ARHGAP8: variants seen among roughly 807,000 people sequenced by gnomAD.
ARHGAP8 encodes the protein rho GTPase-activating protein 8.
In ARHGAP8, 62 loss-of-function variants were observed where a neutral mutation model predicts 46.1. That is an observed-to-expected ratio of 1.34 (90% CI 1.10 to 1.66). The LOEUF (loss-of-function observed/expected upper bound fraction) is 1.66, where lower values mean the gene tolerates loss of function less well. Ranked by LOEUF, ARHGAP8 falls within the 40% of genes most tolerant of loss-of-function variation. ARHGAP8 has a pLI of 0.00. For synonymous variants in ARHGAP8, 375 were observed against 243.1 expected (o/e 1.54, Z -5.05); for missense variants, 923 against 568.4 (o/e 1.62, Z -6.34).
intron 7 of ARHGAP8, among the ~76,000 whole-genome samples, chr22:44,833,517 C>T (rs1247917022): frequency 1.3e-5 from 2 of 152,048 alleles, no homozygotes; most frequent in East Asian, 3.8e-4. Context: ...TGGGATAAAT[C>T]ATTTGTGTTC....
At chr22:44,807,289 G>A (rs1051326110) in intron 3 of ARHGAP8, among the ~76,000 whole-genome samples, 1 of 152,210 alleles carries the variant, frequency 6.6e-6, no homozygotes, top group East Asian at 1.9e-4. Context: ...CCTTCCTTCT[G>A]CAGATGGCAG....
chr22:44,818,733 A>G (rs987961837), intron 5 of ARHGAP8, among the ~76,000 whole-genome samples: 2 of 150,452 alleles, frequency 1.3e-5, no homozygotes, highest in Non-Finnish European at 3.0e-5. Flanking sequence ...TTCTTGTTCC[A>G]TCAGCCCGGC....
At chr22:44,778,421 C>T (rs921690367) in intron 1 of ARHGAP8, among the ~76,000 whole-genome samples, 4 of 152,124 alleles carry the variant, frequency 2.6e-5, no homozygotes, top group Admixed American at 1.3e-4. Context: ...TTTATCCTCT[C>T]GTTGATTAAT....
At chr22:44,836,466 C>T (rs1490554320) in intron 7 of ARHGAP8, among the ~76,000 whole-genome samples, 1 of 151,840 alleles carries the variant, frequency 6.6e-6, no homozygotes, top group East Asian at 1.9e-4. Context: ...AATAATTTGC[C>T]TGAGCCTCAG....
At position 44,786,470 on chromosome 22, in the gene ARHGAP8, C is replaced by G; in HGVS notation, c.-58C>G. On this transcript the variant is annotated 5_prime_UTR_variant, in exon 2 of 12. Coordinates refer to ENST00000356099, the MANE Select transcript of ARHGAP8 (RefSeq NM_181335.3). ...TCTTTGCCGCAGAGCTGCAGAGAGA[C>G]AAGGCGGCGGCGGCTGCTGTGCTGG... 6.2e-7 allele frequency: 1 copy of G among 1,605,052 alleles called. No individual in the cohort carries two copies. The highest frequency in any genetic ancestry group is 8.5e-7 in the Non-Finnish European group (1 of 1,175,954).
intron 7 of ARHGAP8, among the ~76,000 whole-genome samples, chr22:44,835,617 C>T (rs916569575): frequency 8.5e-5 from 13 of 152,138 alleles, no homozygotes; most frequent in Non-Finnish European, 1.8e-4. Flanking sequence ...GAGAATCAGT[C>T]TCAAGAAAAA....
chr22:44,786,455 AG>A lies in ARHGAP8; in HGVS notation c.-71-1del. 1 of 1,595,200 alleles carries A rather than the reference AG, an allele frequency of 6.3e-7. No individual in the cohort carries two copies. Among genetic ancestry groups the A allele is most frequent in the Admixed American group, 1.8e-5 (1 of 57,092 alleles). On this transcript the variant is annotated splice_acceptor_variant, in intron 1 of 11. Coordinates refer to ENST00000356099, the MANE Select transcript of ARHGAP8 (RefSeq NM_181335.3). LOFTEE classifies it low-confidence loss of function (5UTR_SPLICE). Reference sequence around the variant, plus strand: ...GACTTCCTTTAATCTTCTTTGCCGCAGAGCTGCAGAGAGACAAGGCGGCGGC... The same window carrying A: ...GACTTCCTTTAATCTTCTTTGCCGCAAGCTGCAGAGAGACAAGGCGGCGGC...
intron 3 of ARHGAP8, among the ~76,000 whole-genome samples, chr22:44,804,503 C>T (rs1016092983): frequency 2.6e-5 from 4 of 152,196 alleles, no homozygotes; most frequent in African/African-American, 9.7e-5. Flanking sequence ...TGAGGCCAAG[C>T]CCTGGCCGAT....
At position 44,830,037 on chromosome 22, in the gene ARHGAP8, T is replaced by TC. The variant is rs1555916730; in HGVS notation, c.596+4447dup. ...TTTCCTCTCTCTCTTTTTTTTTTTT[T>TC]CCCTGAGATGGCGTCTCACTCTGTC... On this transcript the variant is annotated intron_variant, in intron 7 of 11. Transcript: ENST00000356099. Among the ~76,000 whole-genome samples, 1,236 of 151,118 alleles carry TC rather than the reference T, an allele frequency of 8.2e-3. 11 individuals are homozygous for TC. Among genetic ancestry groups the TC allele is most frequent in the African/African-American group, 0.028 (1,157 of 41,132 alleles).
At chr22:44,783,925 C>T (rs1179357031) in intron 1 of ARHGAP8, among the ~76,000 whole-genome samples, 4 of 152,182 alleles carry the variant, frequency 2.6e-5, no homozygotes, top group Non-Finnish European at 5.9e-5. Flanking sequence ...CTCAGCCCTT[C>T]CTGCCTCATT....
intron 6 of ARHGAP8, among the ~76,000 whole-genome samples, chr22:44,823,978 C>T (rs1347456921): frequency 6.6e-6 from 1 of 152,124 alleles, no homozygotes; most frequent in Non-Finnish European, 1.5e-5. Context: ...GTTCCATAGC[C>T]ATGCAGCAGA....
chr22:44,862,353 TC>T lies in ARHGAP8; in HGVS notation c.1063del (p.Gln355ArgfsTer6). 6.2e-7 allele frequency: 1 copy of T among 1,614,054 alleles called. No individual in the cohort carries two copies. Among genetic ancestry groups the T allele is most frequent in the Non-Finnish European group, 8.5e-7 (1 of 1,179,956 alleles). On this transcript the variant is annotated frameshift_variant, in exon 12 of 12. Coordinates refer to ENST00000356099, the MANE Select transcript of ARHGAP8 (RefSeq NM_181335.3). LOFTEE classifies it low-confidence loss of function (END_TRUNC). Reference sequence around the variant, plus strand: ...CTTCGGGCTGAATTTGATCTGGCCATCCCAGGGGGTCTCCTCCCTGAGTGCC... The same window carrying T: ...CTTCGGGCTGAATTTGATCTGGCCATCCAGGGGGTCTCCTCCCTGAGTGCC... The part of the protein sequence containing the change: ...CVFGLNLIWP[S>X]QGVSSLSALV...
intron 2 of ARHGAP8, among the ~76,000 whole-genome samples, chr22:44,790,309 A>C (rs1287743872): frequency 6.6e-6 from 1 of 152,022 alleles, no homozygotes; most frequent in Non-Finnish European, 1.5e-5. Context: ...TGAAACCAAA[A>C]ACTGGGGGTG....
At chr22:44,857,684 A>G (rs182221818) in intron 10 of ARHGAP8, among the ~76,000 whole-genome samples, 119 of 152,234 alleles carry the variant, frequency 7.8e-4, no homozygotes, top group African/African-American at 2.8e-3. Context: ...GGCGCCTCTC[A>G]TAGGATGATC....
At chr22:44,784,107 A>T (rs895530975) in intron 1 of ARHGAP8, among the ~76,000 whole-genome samples, 10 of 147,110 alleles carry the variant, frequency 6.8e-5, no homozygotes, top group South Asian at 4.2e-4. Context: ...AATTAAAAAT[A>T]AAAAAAAAGT....
chr22:44,797,069 G>A (rs1447874267), intron 2 of ARHGAP8, among the ~76,000 whole-genome samples: 1 of 152,162 alleles, frequency 6.6e-6, no homozygotes, highest in Non-Finnish European at 1.5e-5. Context: ...CCTGGCAGGG[G>A]CCGTGTCTCA....
At chr22:44,856,752 C>T (rs1295123145) in intron 10 of ARHGAP8, among the ~76,000 whole-genome samples, 1 of 143,326 alleles carries the variant, frequency 7.0e-6, no homozygotes, top group Non-Finnish European at 1.5e-5. Context: ...AACAGTGACT[C>T]TTCCTGGGAG....
chr22:44,786,683 C>T, intron 2 of ARHGAP8, 77 bp downstream of exon 2: 3 of 1,526,382 alleles, frequency 2.0e-6, no homozygotes, highest in Non-Finnish European at 2.6e-6. Context: ...GCAAAGTGGG[C>T]TCGTCAGGGG....
intron 1 of ARHGAP8, among the ~76,000 whole-genome samples, chr22:44,766,891 G>C (rs887399860): frequency 3.3e-5 from 5 of 152,162 alleles, no homozygotes; most frequent in African/African-American, 1.2e-4. Flanking sequence ...CAGGGGCTTT[G>C]GGGAGGCCTT....
Sources: gnomAD v4.1 joint callset for allele counts (sites outside exome capture counted in the v4.1 genomes callset) on GRCh38, gnomAD v4.1.1 for gene constraint, MANE v1.5 for transcripts, NCBI Gene and HGNC (gene_info 2026-07-23, HGNC 2026-07-21) for gene names.